Variants in TMTC4 observed in about 807,000 individuals in gnomAD.
TMTC4 encodes the protein transmembrane O-mannosyltransferase targeting cadherins 4.
Under a neutral mutation model 86.0 loss-of-function variants are expected in TMTC4, and 65 were observed. That is an observed-to-expected ratio of 0.76 (90% CI 0.62 to 0.93). TMTC4 has a LOEUF of 0.93. Ranked by LOEUF, TMTC4 falls within the 40% of genes least tolerant of loss-of-function variation. The probability of loss-of-function intolerance (pLI) is 0.00; values close to 1 mark genes in which losing one functional copy is unlikely to be tolerated. For synonymous variants in TMTC4, 379 were observed against 382.5 expected (o/e 0.99, Z 0.11); for missense variants, 866 against 948.1 (o/e 0.91, Z 1.14).
intron 6 of TMTC4, among the ~76,000 whole-genome samples, chr13:100,647,344 C>T (rs962930734): frequency 3.9e-5 from 6 of 152,224 alleles, no homozygotes; most frequent in Non-Finnish European, 7.3e-5. Flanking sequence ...GGCCGGGCTC[C>T]ATCCATTGTT....
In TMTC4 at chr13:100,612,935, T is replaced by C. The variant is rs1594232723; in HGVS notation, c.1952-425A>G. On this transcript the variant is annotated intron_variant, in intron 16 of 18. Transcript: ENST00000342624. The stretch of plus-strand genomic sequence containing the variant: ...TAGAAACAACCATATATCTCTGCTC[T>C]ACACCATGATCAAATTAACACCATC... 2.0e-5 allele frequency among the ~76,000 whole-genome samples: 3 copies of C among 152,346 alleles called. No homozygotes were observed. In the South Asian group the frequency reaches 6.2e-4, roughly 32 times the overall value.
chr13:100,627,138 G>A (rs546642291), intron 12 of TMTC4, among the ~76,000 whole-genome samples: 1 of 152,138 alleles, frequency 6.6e-6, no homozygotes. Flanking sequence ...CCTGTCTCTG[G>A]TATTATTCTC....
chr13:100,618,225 G>C (rs1878817679), intron 15 of TMTC4, among the ~76,000 whole-genome samples: 1 of 152,104 alleles, frequency 6.6e-6, no homozygotes, highest in Non-Finnish European at 1.5e-5. Context: ...TGAGTTCCAG[G>C]AGCCTTCTGG....
chr13:100,636,127 G>C (rs1882169851), intron 10 of TMTC4, among the ~76,000 whole-genome samples: 1 of 151,930 alleles, frequency 6.6e-6, no homozygotes, highest in African/African-American at 2.4e-5. Context: ...GGCTTATTTT[G>C]TACCCAGCTA....
intron 7 of TMTC4, among the ~76,000 whole-genome samples, chr13:100,640,665 T>C (rs1426842217): frequency 2.0e-5 from 3 of 152,022 alleles, no homozygotes; most frequent in South Asian, 2.1e-4. Context: ...CAAAAAATTT[T>C]AGAAAATTAG....
intron 3 of TMTC4, 163 bp downstream of exon 3, chr13:100,668,416 A>C (rs1886656461): frequency 1.4e-6 from 1 of 718,030 alleles, no homozygotes; most frequent in East Asian, 2.7e-5. Flanking sequence ...AAGGCACTAA[A>C]TCATGGAGGC....
rs549009369 is a variant in TMTC4, at chr13:100,641,152, C to G, written c.741+1059G>C. Among the ~76,000 whole-genome samples, 3 of 152,154 alleles carry G rather than the reference C, an allele frequency of 2.0e-5. No homozygotes were observed. The South Asian group carries it at 6.2e-4, about 31-fold the overall frequency. ...TATACACATATTACACACAGAGAGACTTCAAGGCTCGAAGTTAAAACACGT... is the reference window on the plus strand; with the variant it reads ...TATACACATATTACACACAGAGAGAGTTCAAGGCTCGAAGTTAAAACACGT... On this transcript the variant is annotated intron_variant, in intron 7 of 18. Coordinates refer to ENST00000342624, the MANE Select transcript of TMTC4 (RefSeq NM_032813.5).
chr13:100,662,968 T>C lies in TMTC4; in HGVS notation c.548A>G (p.Glu183Gly). 6.2e-7 allele frequency: 1 copy of C among 1,613,534 alleles called. No individual in the cohort carries two copies. Among genetic ancestry groups the C allele is most frequent in the Non-Finnish European group, 8.5e-7 (1 of 1,179,930 alleles). The part of the protein sequence containing the change: ...LLFAVHPVHT[E>G]CVAGVVGRAD... ...CCTCGGGCAGACGACACTTACACAC[T>C]CGGTGTGCACAGGATGGACAGCAAA... The change falls in exon 5 of 19, where the codon GAG becomes GGG. Residue 183 changes from glutamate to glycine, a missense_variant. Physicochemically the swap from Glu to Gly is moderately conservative, Grantham distance 98. Transcript: ENST00000342624.
intron 4 of TMTC4, among the ~76,000 whole-genome samples, chr13:100,663,963 A>G (rs1368665967): frequency 6.6e-6 from 1 of 152,182 alleles, no homozygotes; most frequent in Non-Finnish European, 1.5e-5. Context: ...ATATTATTCC[A>G]TTGGTGTTAA....
chr13:100,640,636 C>A (rs913976498), intron 7 of TMTC4, among the ~76,000 whole-genome samples: 2 of 151,966 alleles, frequency 1.3e-5, no homozygotes, highest in Non-Finnish European at 2.9e-5. Flanking sequence ...CTGGCCAACA[C>A]AGGGAGACCC....
chr13:100,653,960 G>A (rs923429551), intron 6 of TMTC4, among the ~76,000 whole-genome samples: 1 of 152,200 alleles, frequency 6.6e-6, no homozygotes, highest in Non-Finnish European at 1.5e-5. Flanking sequence ...GGCTGTTGGT[G>A]CCTGCAAAGG....
rs758439220 is a variant in TMTC4, at chr13:100,636,569, A to C, written c.1165T>G (p.Cys389Gly). Residue 389 changes from cysteine to glycine, a missense_variant, in exon 10 of 19, where the codon TGC becomes GGC. Physicochemically the swap from Cys to Gly is radical, Grantham distance 159. Transcript: ENST00000342624. ...ALWFCLIGLI[C>G]QALCSEDGHK... is the part of the protein sequence containing the mutation. ...CCGTCTTCAGAGCACAGGGCTTGGC[A>C]TATCAGGCCAATTAGGCAGAACCAG... is the stretch of plus-strand genomic sequence containing the variant. The C allele has an allele frequency of 1.3e-5, 21 of 1,614,242 alleles. No homozygotes were observed. The highest frequency in any genetic ancestry group is 1.6e-5 in the Non-Finnish European group (19 of 1,180,046).
intron 15 of TMTC4, among the ~76,000 whole-genome samples, chr13:100,615,861 A>G (rs1351094727): frequency 1.3e-5 from 2 of 152,202 alleles, no homozygotes; most frequent in Non-Finnish European, 2.9e-5. Context: ...CCAGGTAGTG[A>G]GCACAGTACC....
chr13:100,656,673 A>G (rs1302275059), intron 5 of TMTC4, among the ~76,000 whole-genome samples: 2 of 151,188 alleles, frequency 1.3e-5, no homozygotes, highest in Admixed American at 6.6e-5. Context: ...CCTCCTGAAT[A>G]GCTGGGAGCA....
intron 12 of TMTC4, among the ~76,000 whole-genome samples, chr13:100,630,182 T>C (rs1482802706): frequency 1.3e-5 from 2 of 152,148 alleles, no homozygotes; most frequent in African/African-American, 4.8e-5. Context: ...AAATGACCCC[T>C]GAAAACACAA....
rs372378179 is a variant in TMTC4 at position 100,624,097 on chromosome 13, C to T, written c.1836+1438G>A. 7.2e-4 allele frequency: 134 copies of T among 186,678 alleles called. 2 individuals are homozygous for T. The South Asian group carries it at 0.012, about 16-fold the overall frequency. 11.6% of individuals were successfully genotyped at this position (186,678 alleles called of 1,614,324 possible). On this transcript the variant is annotated intron_variant, in intron 15 of 18. Coordinates refer to ENST00000342624, the MANE Select transcript of TMTC4 (RefSeq NM_032813.5). The stretch of plus-strand genomic sequence containing the variant: ...ATCCCAGCACTTTCGGAGGCTGAGG[C>T]GGGCGGATCACGAGGTCAGGAGATC...
chr13:100,663,370 A>C (rs1886024181), intron 4 of TMTC4, among the ~76,000 whole-genome samples, 190 bp from the exon 5 acceptor site: 1 of 152,208 alleles, frequency 6.6e-6, no homozygotes, highest in East Asian at 1.9e-4. Context: ...AAAGGTGGGA[A>C]TGTAATTAAC....
chr13:100,629,267 AACTC>A (rs1208012250), intron 12 of TMTC4, among the ~76,000 whole-genome samples: 2 of 152,224 alleles, frequency 1.3e-5, no homozygotes, highest in Admixed American at 6.5e-5. Context: ...ATGCTACAGA[AACTC>A]ACTCAATCAG....
At chr13:100,650,652 A>G (rs1206121692) in intron 6 of TMTC4, among the ~76,000 whole-genome samples, 2 of 152,258 alleles carry the variant, frequency 1.3e-5, no homozygotes. Context: ...TTCTATGCAC[A>G]GAATGAAAGA....
Sources: allele counts gnomAD v4.1 joint callset (sites outside exome capture counted in the v4.1 genomes callset), GRCh38; gene constraint gnomAD v4.1.1; transcripts MANE v1.5; gene names NCBI Gene and HGNC (gene_info 2026-07-23, HGNC 2026-07-21).